ADGRB2: variants seen among roughly 807,000 people sequenced by gnomAD.
ADGRB2 encodes the protein brain-specific angiogenesis inhibitor 2.
In ADGRB2, 47 loss-of-function variants were observed where a neutral mutation model predicts 178.7. That is an observed-to-expected ratio of 0.26 (90% CI 0.21 to 0.34). The LOEUF is 0.34. Among genes scored for constraint, ADGRB2 ranks in the 10% least tolerant of loss-of-function variants. The probability of loss-of-function intolerance (pLI) is 1.00; values close to 1 mark genes in which losing one functional copy is unlikely to be tolerated. For missense variants in ADGRB2, 1,584 were observed against 2,180.8 expected (o/e 0.73, Z 5.45); for synonymous variants, 870 against 912.4 (o/e 0.95, Z 0.84).
chr1:31,756,054 C>G lies in ADGRB2; in HGVS notation c.783G>C (p.Glu261Asp). 6.2e-7 allele frequency: 1 copy of G among 1,614,056 alleles called. No homozygotes were observed. Among genetic ancestry groups the G allele is most frequent in the African/African-American group, 1.3e-5 (1 of 75,070 alleles). The change falls in exon 4 of 33, where the codon GAG (glutamate) becomes GAC (aspartate). Residue 261 changes from glutamate (E) to aspartate (D), a missense_variant. By Grantham distance (45) the Glu-to-Asp change is conservative (BLOSUM62 2). Coordinates refer to ENST00000373658, the MANE Select transcript of ADGRB2 (RefSeq NM_001364857.2). The surrounding 1 kb of genome is among the most constrained non-coding windows in gnomAD (Gnocchi z 8.5). Reference sequence around the variant, plus strand: ...TGCTGCTCCCCGAGTGCAAATCGGCCTCAGCAGGTGGGGCTGGGCCCCCGG... The same window carrying G: ...TGCTGCTCCCCGAGTGCAAATCGGCGTCAGCAGGTGGGGCTGGGCCCCCGG... ...LVPGGPAPPA[E>D]ADLHSGSSND...
In ADGRB2 at chr1:31,764,107, TGCCGCC is replaced by T; in HGVS notation, c.-420_-415del. 2.1e-6 allele frequency: 2 copies of T among 934,164 alleles called. No individual in the cohort carries two copies. The highest frequency in any genetic ancestry group is 4.8e-5 in the South Asian group (1 of 20,790). The allele number at this position is 934,164 out of a possible 1,614,324, so 57.9% of individuals were successfully genotyped here. On this transcript the variant is annotated 5_prime_UTR_variant, in exon 1 of 33. Coordinates refer to ENST00000373658, the MANE Select transcript of ADGRB2 (RefSeq NM_001364857.2). The surrounding 1 kb of genome is among the most constrained non-coding windows in gnomAD (Gnocchi z 7.3). Reference sequence around the variant, plus strand: ...CGGCGCCGGGCCGGGCGCGGGCTCCTGCCGCCGCCGCCGCCGCCGCCTCCTTGCCGC... The same window carrying T: ...CGGCGCCGGGCCGGGCGCGGGCTCCTGCCGCCGCCGCCGCCTCCTTGCCGC...
At chr1:31,739,712 T>A in intron 14 of ADGRB2, 77 bp from the exon 15 acceptor site, 3 of 1,472,850 alleles carry the variant, frequency 2.0e-6, no homozygotes, top group East Asian at 4.6e-5. Flanking sequence ...AAGAGACAGA[T>A]GTAGGGGAAA....
intron 4 of ADGRB2, among the ~76,000 whole-genome samples, chr1:31,747,726 G>A (rs75488158): frequency 1.5e-3 from 227 of 152,276 alleles, no homozygotes; most frequent in Middle Eastern, 6.8e-3. Flanking sequence ...TCAGCCCAGC[G>A]AAATACCAAG....
chr1:31,740,427 G>C lies in ADGRB2; in HGVS notation c.1909C>G (p.Leu637Val). The C allele has an allele frequency of 6.2e-7, 1 of 1,614,064 alleles. No homozygotes were observed. Among genetic ancestry groups the C allele is most frequent in the Non-Finnish European group, 8.5e-7 (1 of 1,179,998 alleles). ...ARRTYYSGDL[L>V]FSVDILRNVT... ...TTCCTCAGAATGTCCACAGAGAAGA[G>C]CAGGTCCCCACTATAGTAGGTGCGC... is the stretch of plus-strand genomic sequence containing the variant. Residue 637 changes from leucine (L) to valine (V), a missense_variant, in exon 12 of 33, where the codon CTC (leucine) becomes GTC (valine). Leu to Val is a conservative substitution (Grantham distance 32). This residue lies in a region of ADGRB2 where 62 missense variants were observed against 140.3 expected (regional missense o/e 0.44). Transcript: ENST00000373658. This position sits in a 1 kb window ranked among gnomAD's most constrained non-coding sequence, Gnocchi z 5.9.
Position 31,764,069 on chromosome 1 carries a change from G to T in ADGRB2, c.-376C>A. 1.1e-6 allele frequency: 1 copy of T among 940,138 alleles called. No individual in the cohort carries two copies. The allele number at this position is 940,138 out of a possible 1,614,324, so 58.2% of individuals were successfully genotyped here. On this transcript the variant is annotated 5_prime_UTR_variant, in exon 1 of 33. Transcript: ENST00000373658. The surrounding 1 kb of genome is among the most constrained non-coding windows in gnomAD (Gnocchi z 7.3). ...AAAAGGCGCCGCGGAGCAGCGCGGG[G>T]CGGGCGGGCGGGCGGCGCCGGGCCG...
chr1:31,732,112 C>T lies in ADGRB2; in HGVS notation c.3760+3G>A, dbSNP rs1317666748. On this transcript the variant is annotated splice_donor_region_variant and intron_variant, in intron 28 of 32. Coordinates refer to ENST00000373658, the MANE Select transcript of ADGRB2 (RefSeq NM_001364857.2). ...ATTCTCAGTTCTGCCACGGCACACT[C>T]ACCTGTTTGACAAGCCAGATCCACA... 8.1e-6 allele frequency: 13 copies of T among 1,614,056 alleles called. No homozygotes were observed. The highest frequency in any genetic ancestry group is 1.1e-5 in the Non-Finnish European group (13 of 1,179,960).
Position 31,759,472 on chromosome 1 carries a change from A to G in ADGRB2, c.-190-1961T>C. ...CCCTACTCCACAGCCCCGCCCCATC[A>G]AGAAGCACAAGGTCCACATCCTTCA... On this transcript the variant is annotated intron_variant, in intron 1 of 32. Coordinates refer to ENST00000373658, the MANE Select transcript of ADGRB2 (RefSeq NM_001364857.2). The surrounding 1 kb of genome is among the most constrained non-coding windows in gnomAD (Gnocchi z 4.3). 1 of 733,812 alleles carries G rather than the reference A, an allele frequency of 1.4e-6. No homozygotes were observed. Among genetic ancestry groups the G allele is most frequent in the Admixed American group, 1.8e-5 (1 of 54,718 alleles). The allele number at this position is 733,812 out of a possible 1,614,324, so 45.5% of individuals were successfully genotyped here. A position where few individuals can be genotyped will look rare whatever the true frequency, so the allele number is the denominator to read the frequency against.
Position 31,736,594 on chromosome 1 carries a change from G to A in ADGRB2, c.3109C>T (p.Arg1037Cys), listed in dbSNP as rs776652617. 5.0e-6 allele frequency: 8 copies of A among 1,614,126 alleles called. No individual in the cohort carries two copies. Among genetic ancestry groups the A allele is most frequent in the South Asian group, 2.2e-5 (2 of 91,084 alleles). ...GRMRTRLVRK[R>C]FLCLGWGLPA... The stretch of plus-strand genomic sequence containing the variant: ...TCACCCCAGCCCAGGCAGAGGAAGC[G>A]CTTGCGAACGAGGCGGGTGCGCATC... The change falls in exon 21 of 33, where the codon CGC becomes TGC. Residue 1037 changes from arginine (R) to cysteine (C), a missense_variant. Physicochemically the swap from Arg to Cys is radical, Grantham distance 180. Transcript: ENST00000373658.
chr1:31,759,296 C>A lies in ADGRB2; in HGVS notation c.-190-1785G>T. 1.3e-6 allele frequency: 1 copy of A among 779,664 alleles called. No individual in the cohort carries two copies. Among genetic ancestry groups the A allele is most frequent in the South Asian group, 1.3e-5 (1 of 74,616 alleles). The allele number at this position is 779,664 out of a possible 1,614,324, so 48.3% of individuals were successfully genotyped here. Reference sequence around the variant, plus strand: ...ACTTGTACACATGCACAGAGGTGCACACGCATTCTCGACTGAGAACACACA... The same window carrying A: ...ACTTGTACACATGCACAGAGGTGCAAACGCATTCTCGACTGAGAACACACA... On this transcript the variant is annotated intron_variant, in intron 1 of 32. Coordinates refer to ENST00000373658, the MANE Select transcript of ADGRB2 (RefSeq NM_001364857.2). This position sits in a 1 kb window ranked among gnomAD's most constrained non-coding sequence, Gnocchi z 4.3.
intron 29 of ADGRB2, 99 bp downstream of exon 29, chr1:31,730,701 C>T (rs752510430): frequency 5.8e-6 from 8 of 1,374,022 alleles, no homozygotes; most frequent in African/African-American, 1.5e-5. Context: ...GTGACTTTTA[C>T]GAGAGGCCGC....
intron 1 of ADGRB2, among the ~76,000 whole-genome samples, chr1:31,763,063 G>C (rs1054008663): frequency 6.6e-6 from 1 of 152,234 alleles, no homozygotes; most frequent in African/African-American, 2.4e-5. Flanking sequence ...CTGCGGGAGG[G>C]TGCGTCTGGT....
rs545986288 is a variant in ADGRB2, at chr1:31,740,699, C to T, written c.1795-158G>A. 8.6e-5 allele frequency among the ~76,000 whole-genome samples: 13 copies of T among 151,494 alleles called. No individual in the cohort carries two copies. The highest frequency in any genetic ancestry group is 2.1e-4 in the South Asian group (1 of 4,768). The stretch of plus-strand genomic sequence containing the variant: ...AGGGGCACACAGGGGAGACAGAGTC[C>T]GAGAAAGAGACTCATAGAGAGAGAG... On this transcript the variant is annotated intron_variant, in intron 11 of 32. Coordinates refer to ENST00000373658, the MANE Select transcript of ADGRB2 (RefSeq NM_001364857.2). This position sits in a 1 kb window ranked among gnomAD's most constrained non-coding sequence, Gnocchi z 5.9.
chr1:31,752,247 G>A (rs1646613290), intron 4 of ADGRB2, among the ~76,000 whole-genome samples: 1 of 152,238 alleles, frequency 6.6e-6, no homozygotes. Flanking sequence ...ATGTGTGTGA[G>A]GGATTGGCTG....
Position 31,744,201 on chromosome 1 carries a change from G to A in ADGRB2, c.1079C>T (p.Thr360Ile). Residue 360 changes from threonine to isoleucine, a missense_variant, in exon 6 of 33, where the codon ACC (threonine) becomes ATC (isoleucine). This residue lies in a region of ADGRB2 where 657 missense variants were observed against 847.6 expected (regional missense o/e 0.78). Coordinates refer to ENST00000373658, the MANE Select transcript of ADGRB2 (RefSeq NM_001364857.2). The surrounding 1 kb of genome is among the most constrained non-coding windows in gnomAD (Gnocchi z 6.7). ...RETRPCNNSATCPVHGVWEEW... is the reference protein window; with the variant it reads ...RETRPCNNSAICPVHGVWEEW... ...GAGGAGGATGGGCCTACCTGGGCAG[G>A]TGGCTGAATTGTTGCAGGGCCTGGT... 2.6e-6 allele frequency: 4 copies of A among 1,533,438 alleles called. No homozygotes were observed. In the South Asian group the frequency reaches 3.6e-5, roughly 14 times the overall value. 95.0% of individuals were successfully genotyped at this position (1,533,438 alleles called of 1,614,324 possible). A position where few individuals can be genotyped will look rare whatever the true frequency, so the allele number is the denominator to read the frequency against.
rs1557801391 is a variant in ADGRB2, at chr1:31,761,670, C to T, written c.-191+2214G>A. Among the ~76,000 whole-genome samples the T allele has an allele frequency of 6.6e-6, 1 of 152,140 alleles. No individual in the cohort carries two copies. The highest frequency in any genetic ancestry group is 1.5e-5 in the Non-Finnish European group (1 of 68,028). ...CTGACAGTCACTGGCTCCCCCTGCA[C>T]CCATACTTTGGGGGAAAAGTGGAGA... On this transcript the variant is annotated intron_variant, in intron 1 of 32. Coordinates refer to ENST00000373658, the MANE Select transcript of ADGRB2 (RefSeq NM_001364857.2). The surrounding 1 kb of genome is among the most constrained non-coding windows in gnomAD (Gnocchi z 4.2).
rs992489897 is a variant in ADGRB2 at position 31,759,833 on chromosome 1, T to C, written c.-190-2322A>G. The stretch of plus-strand genomic sequence containing the variant: ...CCCTGAGCCACCCGGGAAGGGGACC[T>C]AGAAGGATGATCCTTGCCTCACAGG... On this transcript the variant is annotated intron_variant, in intron 1 of 32. Transcript: ENST00000373658. This position sits in a 1 kb window ranked among gnomAD's most constrained non-coding sequence, Gnocchi z 4.3. Among the ~76,000 whole-genome samples the C allele has an allele frequency of 6.6e-6, 1 of 152,134 alleles. No individual in the cohort carries two copies. The highest frequency in any genetic ancestry group is 1.5e-5 in the Non-Finnish European group (1 of 68,018).
Position 31,744,822 on chromosome 1 carries a change from C to G in ADGRB2, c.839-91G>C. On this transcript the variant is annotated intron_variant, in intron 4 of 32. Transcript: ENST00000373658. The surrounding 1 kb of genome is among the most constrained non-coding windows in gnomAD (Gnocchi z 6.7). ...TGAAGGCAGCCTTCCTTGCCCTCCG[C>G]CTGAGGGCCTGGAACCAACTGCATG... 1.0e-5 allele frequency: 13 copies of G among 1,280,334 alleles called. No homozygotes were observed. Among genetic ancestry groups the G allele is most frequent in the Non-Finnish European group, 1.5e-5 (13 of 888,324 alleles). 79.3% of individuals were successfully genotyped at this position (1,280,334 alleles called of 1,614,324 possible).
At chr1:31,749,943 A>G (rs944328339) in intron 4 of ADGRB2, among the ~76,000 whole-genome samples, 1 of 151,828 alleles carries the variant, frequency 6.6e-6, no homozygotes, top group Non-Finnish European at 1.5e-5. Context: ...GAGAGAAAGA[A>G]AGAAAGGAAA....
In ADGRB2 at chr1:31,728,383, G is replaced by A; in HGVS notation, c.4417-103C>T. On this transcript the variant is annotated intron_variant, in intron 30 of 32. Coordinates refer to ENST00000373658, the MANE Select transcript of ADGRB2 (RefSeq NM_001364857.2). The surrounding 1 kb of genome is among the most constrained non-coding windows in gnomAD (Gnocchi z 6.7). ...CAAGCCCCCCACATCCCTCCCTGCT[G>A]CCAGCCCCTCTGGGACAAGACCTAG... is the stretch of plus-strand genomic sequence containing the variant. 1.5e-6 allele frequency: 2 copies of A among 1,364,090 alleles called. No individual in the cohort carries two copies. The highest frequency in any genetic ancestry group is 2.4e-5 in the South Asian group (2 of 83,336). 84.5% of individuals were successfully genotyped at this position (1,364,090 alleles called of 1,614,324 possible). A position where few individuals can be genotyped will look rare whatever the true frequency, so the allele number is the denominator to read the frequency against.
Sources: allele counts gnomAD v4.1 joint callset (sites outside exome capture counted in the v4.1 genomes callset), GRCh38; gene constraint gnomAD v4.1.1; regional missense constraint gnomAD v4.1.1; non-coding constraint Gnocchi (gnomAD v3.1); transcripts MANE v1.5; gene names NCBI Gene and HGNC (gene_info 2026-07-23, HGNC 2026-07-21).